FRMD4A: variants seen among roughly 807,000 people sequenced by gnomAD.
FRMD4A encodes the protein FERM domain containing 4A.
Under a neutral mutation model 129.1 loss-of-function variants are expected in FRMD4A, and 29 were observed. That is an observed-to-expected ratio of 0.22 (90% confidence interval 0.17 to 0.31). The LOEUF is 0.31. Among genes scored for constraint, FRMD4A ranks in the 10% least tolerant of loss-of-function variants. The pLI is 1.00. For missense variants in FRMD4A, 1,272 were observed against 1,375.8 expected, an observed-to-expected ratio of 0.92 and a Z score of 1.19; for synonymous variants, 634 against 571.6, an observed-to-expected ratio of 1.11 and a Z score of -1.56.
chr10:13,953,163 C>T (rs963151746), intron 2 of FRMD4A, among the ~76,000 whole-genome samples: 2 of 152,182 alleles, frequency 1.3e-5, no homozygotes, highest in Non-Finnish European at 2.9e-5. Context: ...TGCCGTTTTC[C>T]TCCCAGGCTC....
intron 2 of FRMD4A, among the ~76,000 whole-genome samples, chr10:14,111,927 G>T (rs1287587164): frequency 7.3e-6 from 1 of 137,420 alleles, no homozygotes; most frequent in Non-Finnish European, 1.6e-5. Flanking sequence ...GATTATGGAA[G>T]GAAGGAAGGA....
At chr10:13,692,850 T>C (rs2077150) in intron 15 of FRMD4A, 54,236 of 152,078 alleles carry the variant, frequency 0.36, 10,288 homozygotes, top group Middle Eastern at 0.47. Context: ...AATCAGGTTT[T>C]TTTCTCATAT....
chr10:14,277,669 G>A (rs922185229), intron 2 of FRMD4A, among the ~76,000 whole-genome samples: 2 of 152,214 alleles, frequency 1.3e-5, no homozygotes, highest in Admixed American at 6.5e-5. Context: ...GCACCTCAGT[G>A]AACCTTGAGG....
intron 16 of FRMD4A, among the ~76,000 whole-genome samples, chr10:13,672,151 G>A (rs1414311207): frequency 2.6e-5 from 4 of 152,212 alleles, no homozygotes; most frequent in Non-Finnish European, 5.9e-5. Flanking sequence ...CACATACTCC[G>A]TCACTCGCCT....
intron 6 of FRMD4A, among the ~76,000 whole-genome samples, chr10:13,770,631 T>G (rs192808505): frequency 6.6e-6 from 1 of 152,056 alleles, no homozygotes; most frequent in African/African-American, 2.4e-5. Context: ...TTTGTAGAGA[T>G]GGGGGTCTCA....
intron 2 of FRMD4A, among the ~76,000 whole-genome samples, chr10:13,869,008 C>G (rs1025899735): frequency 1.3e-5 from 2 of 152,168 alleles, no homozygotes; most frequent in Non-Finnish European, 2.9e-5. Context: ...AAGTCATAAC[C>G]CGGGCTGGCG....
intron 2 of FRMD4A, among the ~76,000 whole-genome samples, chr10:14,021,118 T>C (rs931751371): frequency 1.3e-5 from 2 of 152,044 alleles, no homozygotes; most frequent in African/African-American, 4.8e-5. Flanking sequence ...CAATCTCACA[T>C]CTAGGAAGTG....
intron 2 of FRMD4A, among the ~76,000 whole-genome samples, chr10:14,005,652 C>G (rs913017963): frequency 1.3e-4 from 20 of 152,192 alleles, no homozygotes; most frequent in African/African-American, 4.8e-4. Flanking sequence ...TAACCCTTTT[C>G]TCAGGGCCAG....
At chr10:13,809,834 G>C (rs1024565302) in intron 4 of FRMD4A, among the ~76,000 whole-genome samples, 1 of 152,224 alleles carries the variant, frequency 6.6e-6, no homozygotes, top group Non-Finnish European at 1.5e-5. Flanking sequence ...TCTCAATTTG[G>C]ATAATAAGTC....
At chr10:13,683,625 G>T (rs1338295874) in intron 15 of FRMD4A, among the ~76,000 whole-genome samples, 3 of 151,916 alleles carry the variant, frequency 2.0e-5, no homozygotes, top group East Asian at 3.9e-4. Context: ...AATGAGACAG[G>T]TAGTAGTTGC....
chr10:14,102,495 A>G (rs971784434), intron 2 of FRMD4A, among the ~76,000 whole-genome samples: 40 of 152,114 alleles, frequency 2.6e-4, no homozygotes, highest in African/African-American at 9.2e-4. Context: ...TTTCTCATTC[A>G]CCCAGCTCTT....
chr10:14,262,061 C>T (rs1844825329), intron 2 of FRMD4A, among the ~76,000 whole-genome samples: 1 of 152,012 alleles, frequency 6.6e-6, no homozygotes, highest in African/African-American at 2.4e-5. Flanking sequence ...CTTCAGCATA[C>T]TTCCTCTCCC....
intron 3 of FRMD4A, among the ~76,000 whole-genome samples, chr10:13,823,469 G>T (rs1385847545): frequency 6.6e-6 from 1 of 152,240 alleles, no homozygotes; most frequent in Non-Finnish European, 1.5e-5. Context: ...AGATAGGACT[G>T]CCAAGTCTGC....
At chr10:14,166,655 A>C (rs1176150856) in intron 2 of FRMD4A, among the ~76,000 whole-genome samples, 1 of 152,196 alleles carries the variant, frequency 6.6e-6, no homozygotes, top group Non-Finnish European at 1.5e-5. Context: ...AGCTATTCAA[A>C]CAGTCAGTCA....
At chr10:14,018,409 T>C (rs931502049) in intron 2 of FRMD4A, among the ~76,000 whole-genome samples, 5 of 128,052 alleles carry the variant, frequency 3.9e-5, no homozygotes, top group African/African-American at 1.2e-4. Context: ...TGAGCCGAGG[T>C]CGTGCCACTG....
intron 3 of FRMD4A, among the ~76,000 whole-genome samples, chr10:13,835,438 G>T (rs1460257173): frequency 2.6e-5 from 4 of 152,200 alleles, no homozygotes; most frequent in African/African-American, 9.7e-5. Flanking sequence ...CCACGGACCA[G>T]TACAGGAACC....
At chr10:13,944,406 C>G (rs1457650490) in intron 2 of FRMD4A, among the ~76,000 whole-genome samples, 1 of 151,990 alleles carries the variant, frequency 6.6e-6, no homozygotes, top group Non-Finnish European at 1.5e-5. Context: ...CATCTAGTAG[C>G]AGGAAAACAA....
intron 2 of FRMD4A, among the ~76,000 whole-genome samples, chr10:14,112,254 C>G (rs551777542): frequency 6.6e-5 from 10 of 152,054 alleles, no homozygotes; most frequent in African/African-American, 2.4e-4. Flanking sequence ...ATTTAATTCT[C>G]TAAGTAATTA....
At chr10:14,014,670 C>T (rs112145640) in intron 2 of FRMD4A, among the ~76,000 whole-genome samples, 1 of 152,156 alleles carries the variant, frequency 6.6e-6, no homozygotes, top group African/African-American at 2.4e-5. Flanking sequence ...AGAACAGGAC[C>T]AAGACATCAA....
Sources: allele counts gnomAD v4.1 joint callset (sites outside exome capture counted in the v4.1 genomes callset), GRCh38; gene constraint gnomAD v4.1.1; transcripts MANE v1.5; gene names NCBI Gene and HGNC (gene_info 2026-07-23, HGNC 2026-07-21).